Variants in TRANK1 observed in about 807,000 individuals in gnomAD.
TRANK1 encodes tetratricopeptide repeat and ankyrin repeat containing 1, also known as TPR and ankyrin repeat-containing protein 1.
Under a neutral mutation model 266.0 loss-of-function variants are expected in TRANK1, and 198 were observed. That is an observed-to-expected ratio of 0.74 (90% CI 0.66 to 0.84). The LOEUF (loss-of-function observed/expected upper bound fraction) is 0.84, where lower values mean the gene tolerates loss of function less well. Among genes scored for constraint, TRANK1 ranks in the 40% least tolerant of loss-of-function variants. The probability of loss-of-function intolerance (pLI) is 0.00; values close to 1 mark genes in which losing one functional copy is unlikely to be tolerated. For synonymous variants in TRANK1, 1,396 were observed against 1,384.1 expected, an observed-to-expected ratio of 1.01 and a Z score of -0.19; for missense variants, 3,326 against 3,634.6, an observed-to-expected ratio of 0.92 and a Z score of 2.18.
intron 1 of TRANK1, among the ~76,000 whole-genome samples, chr3:36,936,316 C>A (rs1255180306): frequency 6.6e-6 from 1 of 151,970 alleles, no homozygotes; most frequent in East Asian, 1.9e-4. Flanking sequence ...GAGATCACAT[C>A]TCTACAAAAA....
chr3:36,914,227 G>A (rs1322235970), intron 1 of TRANK1, among the ~76,000 whole-genome samples: 2 of 151,562 alleles, frequency 1.3e-5, no homozygotes, highest in African/African-American at 2.4e-5. Context: ...TCCATCTCCC[G>A]GGTTCAAGCT....
chr3:36,912,584 C>T (rs575647887), intron 1 of TRANK1, among the ~76,000 whole-genome samples: 5 of 152,320 alleles, frequency 3.3e-5, no homozygotes, highest in African/African-American at 9.6e-5. Flanking sequence ...CTGTCACAGG[C>T]TGCTGAGCTA....
At chr3:36,898,580 G>T (rs1464456168) in intron 4 of TRANK1, among the ~76,000 whole-genome samples, 1 of 152,158 alleles carries the variant, frequency 6.6e-6, no homozygotes, top group Non-Finnish European at 1.5e-5. Flanking sequence ...AGCCGGGCAG[G>T]GTGGCTCACA....
chr3:36,911,943 T>G (rs1473850961), intron 1 of TRANK1, among the ~76,000 whole-genome samples: 1 of 152,146 alleles, frequency 6.6e-6, no homozygotes, highest in Non-Finnish European at 1.5e-5. Flanking sequence ...ACCCAACATT[T>G]TGGGAGGCCG....
At chr3:36,943,200 TG>T (rs1456295338) in intron 1 of TRANK1, among the ~76,000 whole-genome samples, 1 of 146,676 alleles carries the variant, frequency 6.8e-6, no homozygotes, top group Non-Finnish European at 1.5e-5. Flanking sequence ...TGGTGGGGGG[TG>T]GGGGGAGGGA....
chr3:36,851,746 G>A lies in TRANK1; in HGVS notation c.4860C>T (p.Leu1620=), dbSNP rs762393149. ...CAGAATCAGTAAAAAAGTTGTAAAG[G>A]AGGACATCATCAAATTCTAAGCCTT... ...EAKGLEFDDV[L]LYNFFTDSEA... is the part of the protein sequence containing the mutation. The change falls in exon 15 of 24, where the codon CTC becomes CTT. Residue 1620 remains leucine, a synonymous_variant. Coordinates refer to ENST00000645898, the MANE Select transcript of TRANK1 (RefSeq NM_001329998.2). The A allele has an allele frequency of 6.3e-5, 102 of 1,613,088 alleles. No homozygotes were observed. The highest frequency in any genetic ancestry group is 8.3e-5 in the Non-Finnish European group (98 of 1,179,642).
intron 1 of TRANK1, among the ~76,000 whole-genome samples, chr3:36,929,776 G>T (rs368545176): frequency 5.9e-5 from 9 of 152,176 alleles, no homozygotes; most frequent in East Asian, 5.8e-4. Context: ...TACTATCCCT[G>T]GATTATCAGG....
At chr3:36,829,758 G>T (rs2125501055) in intron 22 of TRANK1, 96 bp from the exon 23 acceptor site, 7 of 1,313,348 alleles carry the variant, frequency 5.3e-6, no homozygotes, top group East Asian at 2.4e-5. Context: ...CCCAAGAGCT[G>T]GTCTCTATGT....
intron 11 of TRANK1, among the ~76,000 whole-genome samples, chr3:36,859,351 T>C (rs1237397417): frequency 1.3e-5 from 2 of 151,970 alleles, no homozygotes; most frequent in Non-Finnish European, 2.9e-5. Flanking sequence ...ACACGTGTCA[T>C]GGTGGTTTGC....
At chr3:36,902,816 T>C (rs941450382) in intron 3 of TRANK1, among the ~76,000 whole-genome samples, 1 of 152,258 alleles carries the variant, frequency 6.6e-6, no homozygotes, top group Non-Finnish European at 1.5e-5. Flanking sequence ...CAAGTTCCTC[T>C]GTGATCTCCA....
chr3:36,913,026 T>TC (rs2080073779), intron 1 of TRANK1, among the ~76,000 whole-genome samples: 1 of 109,448 alleles, frequency 9.1e-6, no homozygotes, highest in Non-Finnish European at 1.9e-5. Context: ...AGAGTATGTC[T>TC]CTTTTGTGTG....
Position 36,833,666 on chromosome 3 carries a change from C to T in TRANK1, c.5917G>A (p.Gly1973Ser). ...AGCCTGGCAGCCTCCAGGAGGCAGC[C>T]ATGTTGCTTCATCAGCAGGGCAGCC... ...EEAALLMKQH[G>S]CLLEAARLTA... is the part of the protein sequence containing the mutation. The change falls in exon 22 of 24, where the codon GGC (glycine) becomes AGC (serine). Residue 1973 changes from glycine to serine, a missense_variant. Physicochemically the swap from Gly to Ser is moderately conservative, Grantham distance 56. Transcript: ENST00000645898. 6.2e-7 allele frequency: 1 copy of T among 1,614,010 alleles called. No homozygotes were observed. Among genetic ancestry groups the T allele is most frequent in the Non-Finnish European group, 8.5e-7 (1 of 1,179,878 alleles).
In TRANK1 at chr3:36,828,357, T is replaced by C. The variant is rs1237039385; in HGVS notation, c.8828A>G (p.Asp2943Gly). 1.9e-6 allele frequency: 3 copies of C among 1,553,498 alleles called. No individual in the cohort carries two copies. The highest frequency in any genetic ancestry group is 1.7e-6 in the Non-Finnish European group (2 of 1,147,630). ...LKKEGIVQEDDYENEVEDFGE... is the reference protein window; with the variant it reads ...LKKEGIVQEDGYENEVEDFGE... ...AAAGTCTTCAACTTCATTTTCATAA[T>C]CATCTTCCTGAACAATACCTGAAGA... Residue 2943 changes from aspartate to glycine, a missense_variant, in exon 24 of 24, where the codon GAT (aspartate) becomes GGT (glycine). Transcript: ENST00000645898.
At chr3:36,943,657 G>T (rs1455411307) in intron 1 of TRANK1, among the ~76,000 whole-genome samples, 1 of 150,290 alleles carries the variant, frequency 6.7e-6, no homozygotes, top group African/African-American at 2.5e-5. Flanking sequence ...TTCTATAAAG[G>T]ACCAAACAGG....
chr3:36,857,805 G>A lies in TRANK1; in HGVS notation c.1917C>T (p.Asp639=), dbSNP rs574137377. 291 of 1,614,010 alleles carry A rather than the reference G, an allele frequency of 1.8e-4. 1 individual carries two copies. Among genetic ancestry groups the A allele is most frequent in the Middle Eastern group, 3.3e-4 (2 of 6,062 alleles). ...KDARHRIKKN[D]SLLLAWNKAL... ...CTTTGTTCCAGGCCAAGAGCAGAGA[G>A]TCGTTCTTCTTAATCCGGTGCCGTG... Residue 639 remains aspartate (D), a synonymous_variant, in exon 13 of 24, where the codon GAC becomes GAT. Coordinates refer to ENST00000645898, the MANE Select transcript of TRANK1 (RefSeq NM_001329998.2). The surrounding 1 kb of genome is among the most constrained non-coding windows in gnomAD (Gnocchi z 4.3).
rs189674191 is a variant in TRANK1, at chr3:36,839,589, G to A, written c.5281-873C>T. On this transcript the variant is annotated intron_variant, in intron 18 of 23. Transcript: ENST00000645898. ...GTTCCTTCTAACTGAAATGCTCTTCGGTCCTTTCCCTGTCTTGTTAACTTC... is the reference window on the plus strand; with the variant it reads ...GTTCCTTCTAACTGAAATGCTCTTCAGTCCTTTCCCTGTCTTGTTAACTTC... 2.2e-3 allele frequency among the ~76,000 whole-genome samples: 338 copies of A among 152,196 alleles called. 2 individuals are homozygous for A. The highest frequency in any genetic ancestry group is 7.4e-3 in the African/African-American group (308 of 41,514).
At chr3:36,900,856 A>AAAAAAAAAAAAAAG in intron 3 of TRANK1, among the ~76,000 whole-genome samples, 1 of 72,082 alleles carries the variant, frequency 1.4e-5, no homozygotes, top group African/African-American at 6.0e-5. Context: ...TGTCTCAAAA[A>AAAAAAAAAAAAAAG]AAAAAAAAAA....
chr3:36,838,482 C>G lies in TRANK1; in HGVS notation c.5407G>C (p.Glu1803Gln). 6.2e-7 allele frequency: 1 copy of G among 1,614,034 alleles called. No homozygotes were observed. Among genetic ancestry groups the G allele is most frequent in the Middle Eastern group, 1.6e-4 (1 of 6,062 alleles). ...SPKEKQLEYL[E>Q]LAKTYLECKE... The stretch of plus-strand genomic sequence containing the variant: ...CACTCCAAATAGGTCTTAGCCAATT[C>G]CAAATATTCCAACTGCTTTTCCCTA... Residue 1803 changes from glutamate to glutamine, a missense_variant, in exon 20 of 24, where the codon GAA becomes CAA. Glu to Gln is a conservative substitution (Grantham distance 29). Transcript: ENST00000645898.
Position 36,879,686 on chromosome 3 carries a change from A to G in TRANK1, c.908-5390T>C, listed in dbSNP as rs1187710388. On this transcript the variant is annotated intron_variant, in intron 8 of 23. Coordinates refer to ENST00000645898, the MANE Select transcript of TRANK1 (RefSeq NM_001329998.2). ...TAAATATATATAAATATATAAATAT[A>G]TAAATATATAAATATAAATATAAAT... Among the ~76,000 whole-genome samples, 11 of 112,398 alleles carry G rather than the reference A, an allele frequency of 9.8e-5. 1 individual carries two copies. Among genetic ancestry groups the G allele is most frequent in the Non-Finnish European group, 1.7e-4 (10 of 59,738 alleles). The allele number at this position is 112,398 out of a possible 152,430, so 73.7% of individuals were successfully genotyped here.
Sources: gnomAD v4.1 joint callset for allele counts (sites outside exome capture counted in the v4.1 genomes callset) on GRCh38, gnomAD v4.1.1 for gene constraint, Gnocchi (gnomAD v3.1) non-coding constraint, MANE v1.5 for transcripts, NCBI Gene and HGNC (gene_info 2026-07-23, HGNC 2026-07-21) for gene names.